B3GAT2: variants seen among roughly 807,000 people sequenced by gnomAD.
The protein encoded by B3GAT2 is galactosylgalactosylxylosylprotein 3-beta-glucuronosyltransferase 2.
A neutral mutation model predicts 27.8 loss-of-function variants in B3GAT2; 26 were observed. That is an observed-to-expected ratio of 0.93 (90% confidence interval 0.68 to 1.30). The LOEUF is 1.30. Ranked by LOEUF, B3GAT2 falls within the 50% of genes most tolerant of loss-of-function variation. The pLI is 0.00. For missense variants in B3GAT2, 458 were observed against 459.0 expected (o/e 1.00, Z 0.02); for synonymous variants, 218 against 195.1 (o/e 1.12, Z -0.98).
chr6:70,933,019 C>T (rs1237155077), intron 1 of B3GAT2, among the ~76,000 whole-genome samples: 15 of 152,084 alleles, frequency 9.9e-5, no homozygotes, highest in Admixed American at 6.6e-4. Context: ...AAGCTGGTCT[C>T]GAACTCCTGG....
At chr6:70,865,260 G>T (rs1231516581) in intron 2 of B3GAT2, among the ~76,000 whole-genome samples, 1 of 152,102 alleles carries the variant, frequency 6.6e-6, no homozygotes, top group African/African-American at 2.4e-5. Flanking sequence ...CCGAGTAGCT[G>T]GGACTACAGA....
chr6:70,949,587 C>A (rs1417373608), intron 1 of B3GAT2, among the ~76,000 whole-genome samples: 22 of 146,680 alleles, frequency 1.5e-4, no homozygotes, highest in African/African-American at 5.3e-4. Context: ...GAAATAGGAA[C>A]ACTTTTACAC....
chr6:70,898,655 T>C (rs1772435501), intron 1 of B3GAT2, among the ~76,000 whole-genome samples: 1 of 152,204 alleles, frequency 6.6e-6, no homozygotes, highest in Middle Eastern at 3.2e-3. Flanking sequence ...CCCAGAACGC[T>C]AAATATTCAA....
At chr6:70,873,944 T>C (rs1398737760) in intron 2 of B3GAT2, among the ~76,000 whole-genome samples, 2 of 152,168 alleles carry the variant, frequency 1.3e-5, no homozygotes, top group Non-Finnish European at 2.9e-5. Context: ...TTGTGAGACA[T>C]CATTCTCCCA....
chr6:70,866,222 TGGA>T (rs765096609), intron 2 of B3GAT2, among the ~76,000 whole-genome samples: 2 of 152,178 alleles, frequency 1.3e-5, no homozygotes, highest in South Asian at 2.1e-4. Flanking sequence ...CTGGAGCACC[TGGA>T]GGAGAACTTG....
chr6:70,948,167 G>T (rs1383927130), intron 1 of B3GAT2, among the ~76,000 whole-genome samples: 2 of 147,764 alleles, frequency 1.4e-5, no homozygotes, highest in South Asian at 4.4e-4. Context: ...TTGAAAACGG[G>T]CACAAGACAG....
chr6:70,942,904 G>T (rs184745153), intron 1 of B3GAT2, among the ~76,000 whole-genome samples: 1 of 152,158 alleles, frequency 6.6e-6, no homozygotes, highest in Admixed American at 6.6e-5. Flanking sequence ...AGAATGGTCA[G>T]CATTTAGCAC....
At chr6:70,947,351 G>A (rs554754783) in intron 1 of B3GAT2, among the ~76,000 whole-genome samples, 2 of 151,758 alleles carry the variant, frequency 1.3e-5, no homozygotes, top group Non-Finnish European at 2.9e-5. Context: ...TAATAAAGAA[G>A]AAAAGAGAGA....
chr6:70,937,773 A>G (rs1488316820), intron 1 of B3GAT2, among the ~76,000 whole-genome samples: 1 of 152,172 alleles, frequency 6.6e-6, no homozygotes, highest in East Asian at 1.9e-4. Context: ...AGAGCTATCT[A>G]TGACAAGCCC....
intron 1 of B3GAT2, among the ~76,000 whole-genome samples, chr6:70,930,463 C>T (rs376000422): frequency 5.9e-5 from 9 of 152,162 alleles, no homozygotes; most frequent in African/African-American, 2.2e-4. Flanking sequence ...GGCTAATATC[C>T]AGAATCTACA....
chr6:70,956,032 G>T lies in B3GAT2; in HGVS notation c.398C>A (p.Ala133Asp). 6.4e-7 allele frequency: 1 copy of T among 1,552,002 alleles called. No individual in the cohort carries two copies. Among genetic ancestry groups the T allele is most frequent in the Non-Finnish European group, 8.6e-7 (1 of 1,156,990 alleles). Reference sequence around the variant, plus strand: ...GTGCAGGTGAGTGCTGGGCAGCCCGGCCCGCGCCAGGAAGCGGCTCACCAG... The same window carrying T: ...GTGCAGGTGAGTGCTGGGCAGCCCGTCCCGCGCCAGGAAGCGGCTCACCAG... ...SELVSRFLAR[A>D]GLPSTHLHVP... is the part of the protein sequence containing the mutation. The change falls in exon 1 of 4, where the codon GCC becomes GAC. Residue 133 changes from alanine (A) to aspartate (D), a missense_variant. Transcript: ENST00000230053.
chr6:70,956,569 G>A lies in B3GAT2; in HGVS notation c.-140C>T. The A allele has an allele frequency of 6.8e-7, 1 of 1,461,608 alleles. No homozygotes were observed. The highest frequency in any genetic ancestry group is 9.0e-7 in the Non-Finnish European group (1 of 1,112,792). The allele number at this position is 1,461,608 out of a possible 1,614,324, so 90.5% of individuals were successfully genotyped here. A position where few individuals can be genotyped will look rare whatever the true frequency, so the allele number is the denominator to read the frequency against. On this transcript the variant is annotated 5_prime_UTR_variant, in exon 1 of 4. Transcript: ENST00000230053. Reference sequence around the variant, plus strand: ...TCCATGGGGCCGAGGGCGCTGCAGAGACCTGGAGCCGCGGGGCTCACTACC... The same window carrying A: ...TCCATGGGGCCGAGGGCGCTGCAGAAACCTGGAGCCGCGGGGCTCACTACC...
At chr6:70,895,495 ATTTTTTTTTTT>A (rs59066944) in intron 1 of B3GAT2, among the ~76,000 whole-genome samples, 35 of 76,616 alleles carry the variant, frequency 4.6e-4, no homozygotes, top group African/African-American at 1.7e-3. Context: ...CAAAAAGGGG[ATTTTTTTTTTT>A]TTTTTTTTTT....
At chr6:70,904,057 A>C (rs765197685) in intron 1 of B3GAT2, among the ~76,000 whole-genome samples, 4 of 152,232 alleles carry the variant, frequency 2.6e-5, no homozygotes, top group Non-Finnish European at 5.9e-5. Context: ...CTATTCAGTA[A>C]GAGACAGTAA....
intron 1 of B3GAT2, among the ~76,000 whole-genome samples, chr6:70,934,167 GT>G (rs900354855): frequency 5.3e-5 from 8 of 152,198 alleles, no homozygotes; most frequent in African/African-American, 1.9e-4. Flanking sequence ...CAAAAGAGCA[GT>G]TTTTCAGACT....
chr6:70,907,511 T>TG (rs372730453), intron 1 of B3GAT2, among the ~76,000 whole-genome samples: 204 of 152,332 alleles, frequency 1.3e-3, no homozygotes, highest in African/African-American at 4.7e-3. Context: ...CTTCCTGTTA[T>TG]GGAATGTGGC....
chr6:70,867,838 C>A (rs1411798849), intron 2 of B3GAT2, among the ~76,000 whole-genome samples: 3 of 151,998 alleles, frequency 2.0e-5, no homozygotes, highest in Non-Finnish European at 4.4e-5. Context: ...TGCCCTGATA[C>A]CAAAACCAGA....
At chr6:70,923,677 A>G (rs1018723506) in intron 1 of B3GAT2, among the ~76,000 whole-genome samples, 4 of 152,184 alleles carry the variant, frequency 2.6e-5, no homozygotes, top group African/African-American at 9.7e-5. Flanking sequence ...CAATCAATCA[A>G]TAATAAAACC....
chr6:70,874,759 C>A (rs1463857793), intron 2 of B3GAT2, among the ~76,000 whole-genome samples: 4 of 152,070 alleles, frequency 2.6e-5, no homozygotes, highest in Admixed American at 6.6e-5. Flanking sequence ...TAAAGACAAG[C>A]CTTGTGAACA....
Sources: gnomAD v4.1 joint callset for allele counts (sites outside exome capture counted in the v4.1 genomes callset) on GRCh38, gnomAD v4.1.1 for gene constraint, MANE v1.5 for transcripts, NCBI Gene and HGNC (gene_info 2026-07-23, HGNC 2026-07-21) for gene names.